ZNF277: variants seen among roughly 807,000 people sequenced by gnomAD.
The protein encoded by ZNF277 is zinc finger protein 277.
Under a neutral mutation model 60.7 loss-of-function variants are expected in ZNF277, and 55 were observed. That is an observed-to-expected ratio of 0.91 (90% confidence interval 0.73 to 1.13). The LOEUF is 1.13. Ranked by LOEUF, ZNF277 falls within the 50% of genes most tolerant of loss-of-function variation. The pLI, the probability that ZNF277 is intolerant of heterozygous loss-of-function variation, is 0.00. For missense variants in ZNF277, 510 were observed against 523.0 expected (o/e 0.98, Z 0.24); for synonymous variants, 178 against 179.3 (o/e 0.99, Z 0.06).
At chr7:112,296,068 A>G (rs1265879727) in intron 3 of ZNF277, 111 bp downstream of exon 3, 4 of 1,055,374 alleles carry the variant, frequency 3.8e-6, no homozygotes, top group Non-Finnish European at 5.7e-6. Context: ...ATAAAATTAA[A>G]TTGATGTGTT....
intron 1 of ZNF277, among the ~76,000 whole-genome samples, chr7:112,264,620 G>T (rs1278803190): frequency 1.3e-5 from 2 of 152,036 alleles, no homozygotes; most frequent in Non-Finnish European, 2.9e-5. Context: ...AAAGTATCAA[G>T]AAAGTATTTT....
intron 1 of ZNF277, among the ~76,000 whole-genome samples, chr7:112,222,243 G>A (rs1822049906): frequency 6.6e-6 from 1 of 152,210 alleles, no homozygotes; most frequent in Non-Finnish European, 1.5e-5. Flanking sequence ...TGTTTTGGAA[G>A]AGTTTGAGAA....
chr7:112,291,625 G>GA (rs144421676), intron 2 of ZNF277, among the ~76,000 whole-genome samples: 8,946 of 152,064 alleles, frequency 0.059, 696 homozygotes, highest in African/African-American at 0.18. Context: ...TAGTGAGTGG[G>GA]AAAAAATGCC....
At chr7:112,321,222 C>T (rs1456880223) in intron 5 of ZNF277, among the ~76,000 whole-genome samples, 3 of 151,768 alleles carry the variant, frequency 2.0e-5, no homozygotes, top group Admixed American at 6.6e-5. Flanking sequence ...CACCCGGCTC[C>T]CTTGTTTCTT....
At chr7:112,283,255 C>G (rs1791987491) in intron 1 of ZNF277, among the ~76,000 whole-genome samples, 1 of 152,148 alleles carries the variant, frequency 6.6e-6, no homozygotes, top group Non-Finnish European at 1.5e-5. Context: ...TGGCTGGGTG[C>G]CGTGGCTAAC....
intron 11 of ZNF277, among the ~76,000 whole-genome samples, chr7:112,342,307 G>C (rs1241723746): frequency 6.6e-6 from 1 of 152,156 alleles, no homozygotes; most frequent in African/African-American, 2.4e-5. Context: ...GACAACTCCA[G>C]AGGCAACTCT....
intron 1 of ZNF277, among the ~76,000 whole-genome samples, chr7:112,257,280 A>T (rs932816969): frequency 1.3e-5 from 2 of 152,206 alleles, no homozygotes; most frequent in Non-Finnish European, 2.9e-5. Flanking sequence ...TACTTTGTGC[A>T]GGACACTGTG....
At chr7:112,328,092 T>G (rs1418040614) in intron 6 of ZNF277, 6 of 238,126 alleles carry the variant, frequency 2.5e-5, no homozygotes, top group Non-Finnish European at 4.0e-5. Flanking sequence ...AAGAATATAC[T>G]CACTGTCTAG....
intron 1 of ZNF277, among the ~76,000 whole-genome samples, chr7:112,263,400 C>T (rs1791477673): frequency 6.6e-6 from 1 of 152,162 alleles, no homozygotes; most frequent in Non-Finnish European, 1.5e-5. Context: ...GTTTATGATT[C>T]TTACTACTTA....
intron 8 of ZNF277, 63 bp downstream of exon 8, chr7:112,336,234 G>A (rs1336955846): frequency 2.1e-6 from 3 of 1,448,034 alleles, no homozygotes; most frequent in Non-Finnish European, 2.8e-6. Flanking sequence ...CAATGCTTTA[G>A]TTTGGTTTAA....
chr7:112,263,502 A>G (rs888928392), intron 1 of ZNF277, among the ~76,000 whole-genome samples: 1 of 152,216 alleles, frequency 6.6e-6, no homozygotes. Flanking sequence ...TAATAGAAAC[A>G]GGCCTTCTTC....
chr7:112,340,764 C>A (rs889647738), intron 10 of ZNF277, 108 bp from the exon 11 acceptor site: 2 of 863,012 alleles, frequency 2.3e-6, no homozygotes, highest in Admixed American at 2.6e-5. Flanking sequence ...AATTGTACTG[C>A]CTCTTCAGGT....
At chr7:112,242,557 C>CAAAAAAAA (rs34058145) in intron 1 of ZNF277, among the ~76,000 whole-genome samples, 2 of 99,482 alleles carry the variant, frequency 2.0e-5, no homozygotes, top group Admixed American at 1.1e-4. Flanking sequence ...TAATAGCTAC[C>CAAAAAAAA]AAAAAAAAAA....
At chr7:112,292,983 T>C (rs1792242762) in intron 2 of ZNF277, among the ~76,000 whole-genome samples, 1 of 152,202 alleles carries the variant, frequency 6.6e-6, no homozygotes, top group African/African-American at 2.4e-5. Context: ...GTAATAACTG[T>C]CATATATATT....
intron 1 of ZNF277, 50 bp downstream of exon 1, chr7:112,206,857 GAC>G: frequency 6.3e-7 from 1 of 1,578,760 alleles, no homozygotes; most frequent in Non-Finnish European, 8.7e-7. Flanking sequence ...CTTTCTCTAT[GAC>G]CGGGTGTGCA....
rs188633733 is a variant in ZNF277, at chr7:112,277,142, G to C, written c.92-9731G>C. Among the ~76,000 whole-genome samples the C allele has an allele frequency of 3.7e-4, 52 of 142,326 alleles. No homozygotes were observed. In the East Asian group the frequency reaches 8.0e-3, roughly 22 times the overall value. The allele number at this position is 142,326 out of a possible 152,430, so 93.4% of individuals were successfully genotyped here. ...TCTGTCGCCCAGGCTGGAGTGCAGT[G>C]GCACGATCTCGGCTCACTGCAAGCT... On this transcript the variant is annotated intron_variant, in intron 1 of 11. Coordinates refer to ENST00000361822, the MANE Select transcript of ZNF277 (RefSeq NM_021994.3).
At chr7:112,225,706 A>T (rs536027300) in intron 1 of ZNF277, among the ~76,000 whole-genome samples, 1 of 152,284 alleles carries the variant, frequency 6.6e-6, no homozygotes, top group African/African-American at 2.4e-5. Context: ...TAGGTAATGG[A>T]CTGAAAAGAA....
At chr7:112,330,548 C>CTTTTTTTTTTTTTT (rs1171213748) in intron 7 of ZNF277, 40 of 108,056 alleles carry the variant, frequency 3.7e-4, no homozygotes, top group Non-Finnish European at 4.6e-4. Context: ...AGACTCCTTT[C>CTTTTTTTTTTTTTT]TTTTTTTTTT....
Position 112,296,321 on chromosome 7 carries a change from G to C in ZNF277, c.465+10G>C, listed in dbSNP as rs753329557. 9.6e-6 allele frequency: 14 copies of C among 1,458,766 alleles called. No individual in the cohort carries two copies. Among genetic ancestry groups the C allele is most frequent in the African/African-American group, 1.4e-5 (1 of 70,102 alleles). The allele number at this position is 1,458,766 out of a possible 1,614,324, so 90.4% of individuals were successfully genotyped here. Reference sequence around the variant, plus strand: ...TCAGAAACAGAGACTGGTAAGAATTGTTTTTAAAGGGTGAATAGTGTCTTG... The same window carrying C: ...TCAGAAACAGAGACTGGTAAGAATTCTTTTTAAAGGGTGAATAGTGTCTTG... On this transcript the variant is annotated intron_variant, in intron 4 of 11. Transcript: ENST00000361822.
Sources: allele counts gnomAD v4.1 joint callset (sites outside exome capture counted in the v4.1 genomes callset), GRCh38; gene constraint gnomAD v4.1.1; transcripts MANE v1.5; gene names NCBI Gene and HGNC (gene_info 2026-07-23, HGNC 2026-07-21).